The following DGKI variants were observed in gnomAD, a reference collection of about 807,000 sequenced individuals.
DGKI encodes diacylglycerol kinase iota.
A neutral mutation model predicts 147.5 loss-of-function variants in DGKI; 55 were observed. The observed-to-expected ratio is 0.37, with a 90% CI of 0.30 to 0.47. DGKI has a LOEUF of 0.47. DGKI is among the 20% of genes least tolerant of loss of function. The pLI, the probability that DGKI is intolerant of heterozygous loss-of-function variation, is 1.00. For synonymous variants in DGKI, 469 were observed against 477.1 expected, an observed-to-expected ratio of 0.98 and a Z score of 0.22; for missense variants, 1,007 against 1,323.8, an observed-to-expected ratio of 0.76 and a Z score of 3.71.
intron 12 of DGKI, among the ~76,000 whole-genome samples, chr7:137,589,862 G>A (rs953260803): frequency 3.9e-5 from 6 of 152,044 alleles, no homozygotes; most frequent in African/African-American, 1.4e-4. Flanking sequence ...TCTCCTTTAT[G>A]ATTTGTGCTC....
chr7:137,809,003 C>G (rs1797475428), intron 1 of DGKI, among the ~76,000 whole-genome samples: 1 of 152,146 alleles, frequency 6.6e-6, no homozygotes, highest in Non-Finnish European at 1.5e-5. Context: ...CCCTATCACC[C>G]AAAAGCTTCC....
chr7:137,517,246 AAAAG>A (rs1816779490), intron 21 of DGKI, among the ~76,000 whole-genome samples: 4 of 132,124 alleles, frequency 3.0e-5, no homozygotes, highest in Admixed American at 8.0e-5. Flanking sequence ...AGAAAGAAAG[AAAAG>A]AAAAAGAAAG....
At chr7:137,645,680 TCTCAGC>T (rs1252982453) in intron 5 of DGKI, 143 bp from the exon 6 acceptor site, 6 of 645,716 alleles carry the variant, frequency 9.3e-6, no homozygotes, top group African/African-American at 9.1e-5. Context: ...AATTCACCCA[TCTCAGC>T]CTCCTGAATA....
chr7:137,486,684 A>AT (rs1216439102), intron 22 of DGKI, among the ~76,000 whole-genome samples: 1 of 152,148 alleles, frequency 6.6e-6, no homozygotes, highest in Admixed American at 6.5e-5. Context: ...TCTCCCCTGA[A>AT]TTTATTTCTA....
At chr7:137,772,365 G>C (rs1175992759) in intron 1 of DGKI, among the ~76,000 whole-genome samples, 2 of 152,160 alleles carry the variant, frequency 1.3e-5, no homozygotes, top group Non-Finnish European at 2.9e-5. Flanking sequence ...TCACATGTGA[G>C]AGCTATTCGT....
chr7:137,693,237 C>T (rs766341198), intron 1 of DGKI, among the ~76,000 whole-genome samples: 3 of 152,030 alleles, frequency 2.0e-5, no homozygotes, highest in South Asian at 4.2e-4. Context: ...CTGCAATTTG[C>T]TCCTATTAAA....
At chr7:137,724,502 G>A (rs1794664496) in intron 1 of DGKI, among the ~76,000 whole-genome samples, 1 of 152,192 alleles carries the variant, frequency 6.6e-6, no homozygotes, top group South Asian at 2.1e-4. Flanking sequence ...TGTGCTGGTG[G>A]TAAGAAGTGG....
intron 27 of DGKI, among the ~76,000 whole-genome samples, chr7:137,460,643 G>C (rs1209083141): frequency 6.6e-6 from 1 of 152,156 alleles, no homozygotes; most frequent in Non-Finnish European, 1.5e-5. Flanking sequence ...AATCCAAAAT[G>C]TTCCAATAAG....
intron 20 of DGKI, among the ~76,000 whole-genome samples, chr7:137,546,179 G>A (rs922662780): frequency 3.3e-5 from 5 of 152,158 alleles, no homozygotes; most frequent in African/African-American, 4.8e-5. Flanking sequence ...CAGGACACAC[G>A]GAAGGCGCTG....
intron 19 of DGKI, among the ~76,000 whole-genome samples, chr7:137,565,822 AG>A (rs1474864566): frequency 6.6e-6 from 1 of 152,232 alleles, no homozygotes; most frequent in Non-Finnish European, 1.5e-5. Context: ...AAAGGTAATC[AG>A]ATTACCCAGC....
chr7:137,512,032 TCC>T (rs1199144776), intron 21 of DGKI, among the ~76,000 whole-genome samples: 1 of 152,206 alleles, frequency 6.6e-6, no homozygotes, highest in African/African-American at 2.4e-5. Context: ...CAGCTGTGGT[TCC>T]GTCTTGGGAA....
At chr7:137,590,002 A>T (rs898855559) in intron 12 of DGKI, among the ~76,000 whole-genome samples, 12 of 152,122 alleles carry the variant, frequency 7.9e-5, no homozygotes, top group Non-Finnish European at 1.6e-4. Context: ...CATTTCACTC[A>T]GACACAACAA....
At chr7:137,692,236 T>G (rs1374047883) in intron 1 of DGKI, among the ~76,000 whole-genome samples, 1 of 152,210 alleles carries the variant, frequency 6.6e-6, no homozygotes, top group Non-Finnish European at 1.5e-5. Flanking sequence ...GTATGGGGAC[T>G]CTGAGCTACA....
chr7:137,428,488 G>T (rs1812914994), intron 28 of DGKI, among the ~76,000 whole-genome samples: 1 of 152,092 alleles, frequency 6.6e-6, no homozygotes, highest in Non-Finnish European at 1.5e-5. Flanking sequence ...TTGAAAACTG[G>T]CACAAGACAG....
chr7:137,418,253 T>C (rs995317491), intron 28 of DGKI, among the ~76,000 whole-genome samples: 4 of 152,134 alleles, frequency 2.6e-5, no homozygotes, highest in African/African-American at 9.7e-5. Flanking sequence ...GTTCTATCAG[T>C]GGAAAAATTT....
intron 20 of DGKI, 21 bp from the exon 21 acceptor site, chr7:137,521,987 G>A: frequency 6.3e-7 from 1 of 1,581,300 alleles, no homozygotes; most frequent in Non-Finnish European, 8.7e-7. Flanking sequence ...AGAACCGAGT[G>A]GTCAGATACA....
At chr7:137,585,102 A>G (rs1819339409) in intron 14 of DGKI, 107 bp downstream of exon 14, 7 of 1,284,074 alleles carry the variant, frequency 5.5e-6, no homozygotes, top group Non-Finnish European at 6.6e-6. Context: ...TTATCACATT[A>G]TCTCATAGGA....
At chr7:137,826,656 G>GA (rs897251587) in intron 1 of DGKI, among the ~76,000 whole-genome samples, 5 of 151,970 alleles carry the variant, frequency 3.3e-5, no homozygotes, top group African/African-American at 7.3e-5. Context: ...GAATCTGGGG[G>GA]AAAAAATCTA....
At chr7:137,727,566 A>G (rs998343610) in intron 1 of DGKI, among the ~76,000 whole-genome samples, 5 of 152,228 alleles carry the variant, frequency 3.3e-5, no homozygotes, top group Non-Finnish European at 5.9e-5. Context: ...CTCTATTTAC[A>G]TAATGACAAG....
Sources: allele counts gnomAD v4.1 joint callset (sites outside exome capture counted in the v4.1 genomes callset), GRCh38; gene constraint gnomAD v4.1.1; transcripts MANE v1.5; gene names NCBI Gene and HGNC (gene_info 2026-07-23, HGNC 2026-07-21).